RGS7: variants seen among roughly 807,000 people sequenced by gnomAD.
RGS7 encodes the protein regulator of G-protein signaling 7.
A neutral mutation model predicts 81.1 loss-of-function variants in RGS7; 27 were observed. That is an observed-to-expected ratio of 0.33 (90% CI 0.25 to 0.46). RGS7 has a LOEUF of 0.46. Among genes scored for constraint, RGS7 ranks in the 20% least tolerant of loss-of-function variants. The probability of loss-of-function intolerance (pLI) is 1.00; values close to 1 mark genes in which losing one functional copy is unlikely to be tolerated. For missense variants in RGS7, 396 were observed against 607.4 expected (o/e 0.65, Z 3.66); for synonymous variants, 208 against 207.7 (o/e 1.00, Z -0.01).
chr1:241,296,563 G>C (rs1301599684), intron 2 of RGS7, among the ~76,000 whole-genome samples: 1 of 152,220 alleles, frequency 6.6e-6, no homozygotes, highest in Non-Finnish European at 1.5e-5. Context: ...AATATCCTAA[G>C]TGTCAAGTCA....
At chr1:241,265,961 A>T (rs1465453636) in intron 2 of RGS7, among the ~76,000 whole-genome samples, 2 of 151,646 alleles carry the variant, frequency 1.3e-5, no homozygotes, top group African/African-American at 4.8e-5. Context: ...TGCCCAGCTA[A>T]TTTTGTATTT....
intron 18 of RGS7, among the ~76,000 whole-genome samples, chr1:240,780,977 A>T (rs1163469062): frequency 6.6e-6 from 1 of 151,550 alleles, no homozygotes; most frequent in Admixed American, 6.6e-5. Flanking sequence ...TGAAACTCAG[A>T]TACAGTCATT....
intron 9 of RGS7, among the ~76,000 whole-genome samples, chr1:240,835,805 G>A (rs918501022): frequency 3.9e-5 from 6 of 152,100 alleles, no homozygotes; most frequent in African/African-American, 1.2e-4. Flanking sequence ...CCTTACGTGC[G>A]TATTACTAAG....
chr1:240,796,537 T>C (rs960391140), intron 18 of RGS7, among the ~76,000 whole-genome samples: 7 of 152,042 alleles, frequency 4.6e-5, no homozygotes, highest in Admixed American at 1.3e-4. Context: ...ATACAAAAAA[T>C]TAGCCGGGAG....
intron 2 of RGS7, among the ~76,000 whole-genome samples, chr1:241,240,691 A>G (rs1202670222): frequency 6.6e-6 from 1 of 152,266 alleles, no homozygotes; most frequent in African/African-American, 2.4e-5. Flanking sequence ...CAATCATAAC[A>G]TTAAACAGTG....
Position 240,882,659 on chromosome 1 carries a change from G to C in RGS7, c.386-12540C>G, listed in dbSNP as rs114028486. Among the ~76,000 whole-genome samples the C allele has an allele frequency of 5.8e-3, 876 of 152,246 alleles. 13 individuals are homozygous for C. Among genetic ancestry groups the C allele is most frequent in the African/African-American group, 0.02 (827 of 41,518 alleles). On this transcript the variant is annotated intron_variant, in intron 6 of 18. Transcript: ENST00000440928. ...ACTCTGGCTCTCAGTGCTGAAAAGGGAGAAATATGCTTCTGTTCTTTGAAG... is the reference window on the plus strand; with the variant it reads ...ACTCTGGCTCTCAGTGCTGAAAAGGCAGAAATATGCTTCTGTTCTTTGAAG...
At chr1:240,922,031 T>C (rs550962196) in intron 6 of RGS7, among the ~76,000 whole-genome samples, 1 of 151,700 alleles carries the variant, frequency 6.6e-6, no homozygotes, top group African/African-American at 2.4e-5. Context: ...CAGTGTGGTA[T>C]TGGCAAAAGA....
chr1:241,087,875 G>GAAGGCAGA (rs2063542045), intron 3 of RGS7, among the ~76,000 whole-genome samples: 1 of 151,220 alleles, frequency 6.6e-6, no homozygotes, highest in Non-Finnish European at 1.5e-5. Context: ...CTTGAACCCA[G>GAAGGCAGA]AAGGCAGAAG....
chr1:240,933,607 C>T (rs1440708883), intron 5 of RGS7, among the ~76,000 whole-genome samples: 1 of 151,336 alleles, frequency 6.6e-6, no homozygotes, highest in Non-Finnish European at 1.5e-5. Context: ...TAAATACATA[C>T]TTTCATAGTT....
chr1:241,246,323 A>T (rs889835947), intron 2 of RGS7, among the ~76,000 whole-genome samples: 1 of 152,108 alleles, frequency 6.6e-6, no homozygotes, highest in Non-Finnish European at 1.5e-5. Context: ...GTCTTTTTCC[A>T]CTTGTCATAT....
chr1:241,101,215 G>A (rs1204470936), intron 2 of RGS7, among the ~76,000 whole-genome samples: 2 of 152,212 alleles, frequency 1.3e-5, no homozygotes, highest in African/African-American at 4.8e-5. Context: ...AGAACATGAT[G>A]CTGGGCACGG....
intron 6 of RGS7, among the ~76,000 whole-genome samples, chr1:240,883,746 T>A (rs187446918): frequency 6.6e-6 from 1 of 152,290 alleles, no homozygotes; most frequent in East Asian, 1.9e-4. Flanking sequence ...TGGTGCCACA[T>A]TTTTTGCATT....
intron 9 of RGS7, among the ~76,000 whole-genome samples, chr1:240,832,511 A>G (rs1268781782): frequency 6.6e-6 from 1 of 152,226 alleles, no homozygotes; most frequent in African/African-American, 2.4e-5. Context: ...TGTCCTCATG[A>G]GGTGCAAAAG....
intron 9 of RGS7, among the ~76,000 whole-genome samples, chr1:240,865,324 AGTCTC>A: frequency 6.6e-6 from 1 of 152,322 alleles, no homozygotes; most frequent in African/African-American, 2.4e-5. Context: ...ACAATAGGAC[AGTCTC>A]TTAGATATGG....
intron 4 of RGS7, among the ~76,000 whole-genome samples, chr1:240,938,750 C>A (rs1265208778): frequency 6.6e-6 from 1 of 152,108 alleles, no homozygotes; most frequent in African/African-American, 2.4e-5. Context: ...TCTCCAAACT[C>A]GCAGTCAAGT....
At chr1:241,266,914 C>T (rs2077620749) in intron 2 of RGS7, among the ~76,000 whole-genome samples, 1 of 152,138 alleles carries the variant, frequency 6.6e-6, no homozygotes. Context: ...TAGGATTGTA[C>T]TTACAAGACC....
intron 3 of RGS7, among the ~76,000 whole-genome samples, chr1:241,083,802 G>T (rs1201493288): frequency 2.6e-5 from 4 of 152,064 alleles, no homozygotes; most frequent in Admixed American, 6.6e-5. Context: ...CTGACACAAT[G>T]TTTTATAACT....
intron 18 of RGS7, among the ~76,000 whole-genome samples, chr1:240,779,709 A>G (rs1193129701): frequency 6.6e-6 from 1 of 152,216 alleles, no homozygotes; most frequent in Non-Finnish European, 1.5e-5. Context: ...CTCCACTTCT[A>G]TGCCTATTTC....
At chr1:241,015,267 T>C (rs1204214663) in intron 3 of RGS7, among the ~76,000 whole-genome samples, 1 of 152,216 alleles carries the variant, frequency 6.6e-6, no homozygotes, top group Non-Finnish European at 1.5e-5. Context: ...AGTTTCATTA[T>C]GTTCATCTGT....
Sources: allele counts gnomAD v4.1 joint callset (sites outside exome capture counted in the v4.1 genomes callset), GRCh38; gene constraint gnomAD v4.1.1; transcripts MANE v1.5; gene names NCBI Gene and HGNC (gene_info 2026-07-23, HGNC 2026-07-21).